Variants in KATNIP observed in about 807,000 individuals in gnomAD.
The protein encoded by KATNIP is katanin-interacting protein.
In KATNIP, 126 loss-of-function variants were observed where a neutral mutation model predicts 174.0. The observed-to-expected ratio is 0.72, with a 90% CI of 0.63 to 0.84. The LOEUF (loss-of-function observed/expected upper bound fraction) is 0.84. Among genes scored for constraint, KATNIP ranks in the 40% least tolerant of loss-of-function variants. KATNIP has a pLI of 0.00. For missense variants in KATNIP, 1,958 were observed against 2,109.7 expected (o/e 0.93, Z 1.41); for synonymous variants, 810 against 835.7 (o/e 0.97, Z 0.53).
chr16:27,659,705 C>G (rs1477798263), intron 6 of KATNIP, among the ~76,000 whole-genome samples: 3 of 152,048 alleles, frequency 2.0e-5, no homozygotes, highest in Non-Finnish European at 4.4e-5. Flanking sequence ...GTAGGAGAGG[C>G]TTTCTGATTA....
intron 6 of KATNIP, among the ~76,000 whole-genome samples, chr16:27,673,153 A>G (rs1488354481): frequency 6.6e-6 from 1 of 152,222 alleles, no homozygotes; most frequent in African/African-American, 2.4e-5. Flanking sequence ...ATAAGAGCCA[A>G]TAGGCTATCT....
At chr16:27,733,509 A>G (rs921073417) in intron 14 of KATNIP, among the ~76,000 whole-genome samples, 1 of 151,890 alleles carries the variant, frequency 6.6e-6, no homozygotes, top group African/African-American at 2.4e-5. Context: ...AAAAGGCATA[A>G]AAATAACTCT....
intron 17 of KATNIP, among the ~76,000 whole-genome samples, chr16:27,752,239 C>T (rs368145849): frequency 6.6e-6 from 1 of 151,936 alleles, no homozygotes; most frequent in Non-Finnish European, 1.5e-5. Context: ...CTTGGGGTTG[C>T]GTTTTGATCA....
intron 6 of KATNIP, among the ~76,000 whole-genome samples, chr16:27,659,329 TAGTG>T (rs1411634163): frequency 3.3e-5 from 5 of 151,924 alleles, no homozygotes; most frequent in African/African-American, 1.2e-4. Flanking sequence ...CTAGGCAACA[TAGTG>T]AGAATTCATC....
chr16:27,629,377 G>A (rs1050727600), intron 4 of KATNIP, among the ~76,000 whole-genome samples: 3 of 152,132 alleles, frequency 2.0e-5, no homozygotes, highest in African/African-American at 7.2e-5. Context: ...CATTTCCTGG[G>A]TCTTAAGTCA....
At chr16:27,762,859 G>A (rs542333661) in intron 19 of KATNIP, among the ~76,000 whole-genome samples, 18 of 152,288 alleles carry the variant, frequency 1.2e-4, no homozygotes, top group African/African-American at 3.6e-4. Flanking sequence ...AGTGATCAAC[G>A]CACAGTGCGG....
At chr16:27,615,362 TA>T (rs1320477345) in intron 2 of KATNIP, among the ~76,000 whole-genome samples, 1 of 150,470 alleles carries the variant, frequency 6.6e-6, no homozygotes, top group African/African-American at 2.4e-5. Flanking sequence ...TATTTATTAT[TA>T]TTTTTTTTTG....
rs146158264 is a variant in KATNIP at position 27,591,416 on chromosome 16, C to T, written c.63+17460C>T. On this transcript the variant is annotated intron_variant, in intron 2 of 27. Transcript: ENST00000261588. Reference sequence around the variant, plus strand: ...GCCAGGATGGTCTTGATCTTTTGACCTCGTGATCCACCCGCCTCGGCCTCC... The same window carrying T: ...GCCAGGATGGTCTTGATCTTTTGACTTCGTGATCCACCCGCCTCGGCCTCC... 8.8e-3 allele frequency among the ~76,000 whole-genome samples: 1,338 copies of T among 152,112 alleles called. 20 individuals carry two copies. Among genetic ancestry groups the T allele is most frequent in the African/African-American group, 0.031 (1,284 of 41,478 alleles).
intron 1 of KATNIP, among the ~76,000 whole-genome samples, chr16:27,561,009 C>CT (rs979221320): frequency 1.5e-3 from 225 of 148,426 alleles, no homozygotes; most frequent in African/African-American, 3.1e-3. Context: ...TCCTTTTTGT[C>CT]TTTTTTTTTT....
At chr16:27,709,805 A>T (rs1421328214) in intron 13 of KATNIP, among the ~76,000 whole-genome samples, 4 of 152,024 alleles carry the variant, frequency 2.6e-5, no homozygotes, top group Non-Finnish European at 5.9e-5. Flanking sequence ...ACCTGCTTTT[A>T]TCCACCTTGC....
At chr16:27,563,891 TAAAAAA>T (rs58505514) in intron 1 of KATNIP, among the ~76,000 whole-genome samples, 13 of 66,710 alleles carry the variant, frequency 1.9e-4, no homozygotes, top group South Asian at 1.8e-3. Flanking sequence ...TCTAGTAAAT[TAAAAAA>T]AAAAAAAAAA....
At chr16:27,571,298 G>A (rs1203662823) in intron 1 of KATNIP, among the ~76,000 whole-genome samples, 1 of 152,118 alleles carries the variant, frequency 6.6e-6, no homozygotes, top group Non-Finnish European at 1.5e-5. Context: ...CTCCCTAAGT[G>A]TTAGAATTAC....
chr16:27,651,493 A>G (rs150902298), intron 6 of KATNIP, among the ~76,000 whole-genome samples: 13 of 151,882 alleles, frequency 8.6e-5, no homozygotes, highest in Admixed American at 2.0e-4. Flanking sequence ...TGCAAGCGCA[A>G]CCTGAAATGG....
At chr16:27,635,864 A>T in intron 5 of KATNIP, among the ~76,000 whole-genome samples, 1 of 152,164 alleles carries the variant, frequency 6.6e-6, no homozygotes, top group Admixed American at 6.5e-5. Flanking sequence ...TATATTAAAA[A>T]TATATCTAGC....
At chr16:27,594,568 T>C (rs932311626) in intron 2 of KATNIP, among the ~76,000 whole-genome samples, 1 of 151,900 alleles carries the variant, frequency 6.6e-6, no homozygotes, top group South Asian at 2.1e-4. Flanking sequence ...AACCTGACAC[T>C]AAAGGTGACA....
chr16:27,726,331 G>T (rs60705880), intron 14 of KATNIP, among the ~76,000 whole-genome samples: 3 of 152,154 alleles, frequency 2.0e-5, no homozygotes, highest in Non-Finnish European at 4.4e-5. Context: ...GTAGGCCACC[G>T]CTGCTTGCTA....
At chr16:27,659,930 C>A (rs1567266574) in intron 6 of KATNIP, 2 of 821,106 alleles carry the variant, frequency 2.4e-6, no homozygotes. Flanking sequence ...TGAGCATGCA[C>A]CCCCAGTTTG....
rs147544279 is a variant in KATNIP, at chr16:27,740,207, C to T, written c.1910C>T (p.Ser637Leu). 191 of 1,614,158 alleles carry T rather than the reference C, an allele frequency of 1.2e-4. No homozygotes were observed. The highest frequency in any genetic ancestry group is 1.4e-4 in the Non-Finnish European group (166 of 1,180,028). The change falls in exon 15 of 28, where the codon TCG becomes TTG. Residue 637 changes from serine to leucine, a missense_variant. Physicochemically the swap from Ser to Leu is moderately radical, Grantham distance 145. This residue lies in a region of KATNIP where 1,557 missense variants were observed against 1,617.8 expected (regional missense o/e 0.96). Coordinates refer to ENST00000261588, the MANE Select transcript of KATNIP (RefSeq NM_015202.5). ...CTAGAGGAGGCCATGAACGCTCACTCGGAAGAAAGCAAAGGCACCCATGAG... is the reference window on the plus strand; with the variant it reads ...CTAGAGGAGGCCATGAACGCTCACTTGGAAGAAAGCAAAGGCACCCATGAG... Reference protein sequence around the residue: ...EQLEEAMNAHSEESKGTHEMA... With the variant: ...EQLEEAMNAHLEESKGTHEMA...
chr16:27,630,252 C>G (rs1032093897), intron 4 of KATNIP, among the ~76,000 whole-genome samples: 5 of 152,186 alleles, frequency 3.3e-5, no homozygotes, highest in African/African-American at 1.2e-4. Context: ...TCAGTTTCCT[C>G]TTGCATAAAA....
Sources: gnomAD v4.1 joint callset for allele counts (sites outside exome capture counted in the v4.1 genomes callset) on GRCh38, gnomAD v4.1.1 for gene constraint, gnomAD v4.1.1 regional missense constraint, MANE v1.5 for transcripts, NCBI Gene and HGNC (gene_info 2026-07-23, HGNC 2026-07-21) for gene names.